Variants in ELMO1 observed in about 807,000 individuals in gnomAD.
The protein encoded by ELMO1 is engulfment and cell motility 1.
In ELMO1, 26 loss-of-function variants were observed where a neutral mutation model predicts 98.9. The observed-to-expected ratio is 0.26, with a 90% confidence interval of 0.19 to 0.36. ELMO1 has a LOEUF of 0.36. ELMO1 is among the 10% of genes least tolerant of loss of function. The pLI is 1.00. For missense variants in ELMO1, 627 were observed against 935.2 expected, an observed-to-expected ratio of 0.67 and a Z score of 4.30; for synonymous variants, 346 against 346.0, an observed-to-expected ratio of 1.00 and a Z score of 0.00.
intron 15 of ELMO1, among the ~76,000 whole-genome samples, chr7:37,065,901 G>A (rs755016316): frequency 1.3e-5 from 2 of 152,266 alleles, no homozygotes; most frequent in East Asian, 3.9e-4. Flanking sequence ...CTCACTCTGA[G>A]CTGTAATAAT....
chr7:37,219,101 AG>A (rs1462574258), intron 10 of ELMO1, among the ~76,000 whole-genome samples: 2 of 152,202 alleles, frequency 1.3e-5, no homozygotes, highest in African/African-American at 2.4e-5. Context: ...CGTTTGTGCC[AG>A]GAAACTGAGA....
chr7:37,039,735 C>A (rs981274573), intron 15 of ELMO1, among the ~76,000 whole-genome samples: 1 of 152,150 alleles, frequency 6.6e-6, no homozygotes, highest in Admixed American at 6.5e-5. Flanking sequence ...TAGCTATCGA[C>A]AATAAATACT....
intron 4 of ELMO1, among the ~76,000 whole-genome samples, chr7:37,305,603 G>A (rs1445570152): frequency 1.3e-5 from 2 of 152,190 alleles, no homozygotes; most frequent in East Asian, 1.9e-4. Flanking sequence ...TTTCTCCACT[G>A]TGAATAATCT....
chr7:37,254,597 G>A (rs181682383), intron 6 of ELMO1, among the ~76,000 whole-genome samples: 1 of 152,240 alleles, frequency 6.6e-6, no homozygotes, highest in East Asian at 1.9e-4. Flanking sequence ...TGTACGCAAT[G>A]GTAACACAAT....
intron 6 of ELMO1, among the ~76,000 whole-genome samples, chr7:37,252,960 A>G (rs376977177): frequency 1.3e-5 from 2 of 152,266 alleles, no homozygotes; most frequent in East Asian, 3.8e-4. Flanking sequence ...TATGCGGCCA[A>G]CAAACACATG....
intron 14 of ELMO1, among the ~76,000 whole-genome samples, chr7:37,101,295 G>T (rs1784626474): frequency 6.6e-6 from 1 of 152,204 alleles, no homozygotes; most frequent in African/African-American, 2.4e-5. Flanking sequence ...CCGCAGGAAT[G>T]CAGGGTGACA....
chr7:37,179,584 T>C (rs1790718391), intron 13 of ELMO1, among the ~76,000 whole-genome samples: 1 of 152,090 alleles, frequency 6.6e-6, no homozygotes, highest in South Asian at 2.1e-4. Flanking sequence ...GCCTTGCATA[T>C]AGCTCTTTCA....
intron 1 of ELMO1, among the ~76,000 whole-genome samples, chr7:37,349,038 T>C (rs1801139822): frequency 6.6e-6 from 1 of 152,188 alleles, no homozygotes; most frequent in Non-Finnish European, 1.5e-5. Context: ...ACGAACACAC[T>C]TGCCCTGGTG....
At chr7:37,011,160 C>A (rs1008962473) in intron 16 of ELMO1, among the ~76,000 whole-genome samples, 3 of 152,204 alleles carry the variant, frequency 2.0e-5, no homozygotes, top group Non-Finnish European at 4.4e-5. Flanking sequence ...GCTCTTAGGT[C>A]TTGCTGAAGA....
At chr7:36,950,180 C>T (rs1484741575) in intron 16 of ELMO1, among the ~76,000 whole-genome samples, 3 of 152,118 alleles carry the variant, frequency 2.0e-5, no homozygotes, top group Non-Finnish European at 2.9e-5. Context: ...ACAAGGTGCC[C>T]GGGACAGCTG....
intron 6 of ELMO1, among the ~76,000 whole-genome samples, chr7:37,250,236 A>G (rs2130743068): frequency 6.6e-6 from 1 of 152,356 alleles, no homozygotes; most frequent in Admixed American, 6.5e-5. Flanking sequence ...CAAAAATGAA[A>G]CAGTACGCAT....
At chr7:37,193,178 A>T (rs1178600340) in intron 13 of ELMO1, among the ~76,000 whole-genome samples, 2 of 151,878 alleles carry the variant, frequency 1.3e-5, no homozygotes, top group East Asian at 3.9e-4. Flanking sequence ...TGTAAAGTAA[A>T]AAATTCTGAG....
intron 16 of ELMO1, among the ~76,000 whole-genome samples, chr7:36,964,444 T>G (rs1432204203): frequency 6.6e-6 from 1 of 152,226 alleles, no homozygotes; most frequent in South Asian, 2.1e-4. Context: ...CCAGAATGGT[T>G]GTATGAGTAC....
chr7:37,145,975 T>C (rs530144963), intron 13 of ELMO1, among the ~76,000 whole-genome samples: 1 of 152,252 alleles, frequency 6.6e-6, no homozygotes, highest in African/African-American at 2.4e-5. Context: ...GAAATGAATA[T>C]GTGGGTGTTT....
intron 16 of ELMO1, among the ~76,000 whole-genome samples, chr7:36,959,139 T>A (rs1195706502): frequency 2.0e-5 from 3 of 152,096 alleles, no homozygotes; most frequent in Non-Finnish European, 2.9e-5. Context: ...AGTTAGTGCA[T>A]CCTGTCAGCT....
chr7:37,233,570 A>T (rs1448958709), intron 7 of ELMO1, among the ~76,000 whole-genome samples: 1 of 152,380 alleles, frequency 6.6e-6, no homozygotes, highest in African/African-American at 2.4e-5. Flanking sequence ...TTAATAAAGT[A>T]TGTAGCATAT....
chr7:36,916,406 A>G (rs76963021), intron 16 of ELMO1, among the ~76,000 whole-genome samples: 2,049 of 152,334 alleles, frequency 0.013, 22 homozygotes, highest in Middle Eastern at 0.054. Context: ...AAATTGTGCC[A>G]TAGTGGTTGA....
intron 1 of ELMO1, among the ~76,000 whole-genome samples, chr7:37,361,184 G>A (rs1420594208): frequency 6.6e-6 from 1 of 152,070 alleles, no homozygotes; most frequent in African/African-American, 2.4e-5. Context: ...AACAAAGATA[G>A]GTGTATGAAT....
chr7:37,274,991 C>T (rs1164178864), intron 4 of ELMO1, among the ~76,000 whole-genome samples: 1 of 152,170 alleles, frequency 6.6e-6, no homozygotes, highest in African/African-American at 2.4e-5. Flanking sequence ...CATTATAACT[C>T]TATGCCCACG....
Sources: gnomAD v4.1 joint callset for allele counts (sites outside exome capture counted in the v4.1 genomes callset) on GRCh38, gnomAD v4.1.1 for gene constraint, MANE v1.5 for transcripts, NCBI Gene and HGNC (gene_info 2026-07-23, HGNC 2026-07-21) for gene names.